PARVA: variants seen among roughly 807,000 people sequenced by gnomAD.
The protein encoded by PARVA is parvin alpha.
Under a neutral mutation model 52.6 loss-of-function variants are expected in PARVA, and 25 were observed. The ratio of observed to expected loss-of-function variants is 0.48; its 90% confidence interval spans 0.35 to 0.66. The LOEUF is 0.66. PARVA is among the 30% of genes least tolerant of loss of function. PARVA has a pLI of 0.01. For synonymous variants in PARVA, 185 were observed against 179.1 expected, an observed-to-expected ratio of 1.03 and a Z score of -0.26; for missense variants, 373 against 450.9, an observed-to-expected ratio of 0.83 and a Z score of 1.56.
intron 4 of PARVA, among the ~76,000 whole-genome samples, chr11:12,484,779 G>T (rs972931496): frequency 6.6e-6 from 1 of 151,414 alleles, no homozygotes; most frequent in Non-Finnish European, 1.5e-5. Context: ...CAGGAAAGAG[G>T]GGGTATTTTG....
intron 1 of PARVA, among the ~76,000 whole-genome samples, chr11:12,422,531 T>C (rs1298618053): frequency 1.3e-5 from 2 of 152,198 alleles, no homozygotes; most frequent in Admixed American, 1.3e-4. Context: ...TGTGTTCAAG[T>C]AGGTAAACAG....
chr11:12,508,548 T>G lies in PARVA; in HGVS notation c.658-36T>G, dbSNP rs775320508. ...TATTTTTCTAAAGCATAGTTTTCTCTTCTCCTCCCAACCCCTTTCCCCACC... is the reference window on the plus strand; with the variant it reads ...TATTTTTCTAAAGCATAGTTTTCTCGTCTCCTCCCAACCCCTTTCCCCACC... On this transcript the variant is annotated intron_variant, in intron 6 of 12. Transcript: ENST00000334956. 21 of 1,485,800 alleles carry G rather than the reference T, an allele frequency of 1.4e-5. No individual in the cohort carries two copies. The Admixed American group carries it at 3.4e-4, about 24-fold the overall frequency. 92.0% of individuals were successfully genotyped at this position (1,485,800 alleles called of 1,614,324 possible).
At chr11:12,432,845 G>C (rs752042149) in intron 1 of PARVA, among the ~76,000 whole-genome samples, 5 of 152,142 alleles carry the variant, frequency 3.3e-5, no homozygotes, top group Non-Finnish European at 5.9e-5. Flanking sequence ...CATGACCTCT[G>C]AAAATCCATT....
At chr11:12,456,548 T>C (rs1380703868) in intron 1 of PARVA, among the ~76,000 whole-genome samples, 2 of 152,032 alleles carry the variant, frequency 1.3e-5, no homozygotes, top group Non-Finnish European at 2.9e-5. Flanking sequence ...AGGATTAAAC[T>C]CATACTTGGT....
intron 4 of PARVA, among the ~76,000 whole-genome samples, chr11:12,482,047 T>A (rs1357990156): frequency 2.6e-5 from 4 of 151,582 alleles, no homozygotes; most frequent in Admixed American, 6.6e-5. Flanking sequence ...TGCATGCTAC[T>A]TGCGAGGCTA....
intron 1 of PARVA, among the ~76,000 whole-genome samples, chr11:12,382,408 G>A (rs1482326846): frequency 1.3e-5 from 2 of 148,604 alleles, no homozygotes; most frequent in Non-Finnish European, 3.0e-5. Context: ...ATATTTCTAG[G>A]CTACATGGTT....
chr11:12,399,104 C>T (rs1384183884), intron 1 of PARVA, among the ~76,000 whole-genome samples: 1 of 152,180 alleles, frequency 6.6e-6, no homozygotes, highest in African/African-American at 2.4e-5. Flanking sequence ...ATTGTCGGTT[C>T]CAAAATCTAT....
At chr11:12,383,538 A>AGT (rs1240108706) in intron 1 of PARVA, among the ~76,000 whole-genome samples, 1 of 152,230 alleles carries the variant, frequency 6.6e-6, no homozygotes, top group African/African-American at 2.4e-5. Flanking sequence ...TTGGCTGCCC[A>AGT]GTGTTGCTGG....
At chr11:12,481,642 C>A (rs1169722366) in intron 4 of PARVA, among the ~76,000 whole-genome samples, 1 of 152,114 alleles carries the variant, frequency 6.6e-6, no homozygotes, top group Non-Finnish European at 1.5e-5. Context: ...AACATCTGTA[C>A]CTAGGTACAG....
At chr11:12,460,982 T>C in intron 1 of PARVA, among the ~76,000 whole-genome samples, 1 of 152,182 alleles carries the variant, frequency 6.6e-6, no homozygotes, top group East Asian at 1.9e-4. Context: ...CAGGACTGTG[T>C]GAGGGCCCTC....
chr11:12,503,647 T>C (rs188404808), intron 5 of PARVA, among the ~76,000 whole-genome samples: 2 of 152,026 alleles, frequency 1.3e-5, no homozygotes, highest in South Asian at 2.1e-4. Context: ...GGCGGGAGGA[T>C]TGCTTGAGCC....
At chr11:12,428,184 G>A (rs906842481) in intron 1 of PARVA, among the ~76,000 whole-genome samples, 16 of 152,188 alleles carry the variant, frequency 1.1e-4, no homozygotes, top group Non-Finnish European at 2.9e-5. Flanking sequence ...GAGAAGTTGG[G>A]CAAATGTGGA....
At chr11:12,393,413 A>C (rs1368318468) in intron 1 of PARVA, among the ~76,000 whole-genome samples, 3 of 151,948 alleles carry the variant, frequency 2.0e-5, no homozygotes, top group Non-Finnish European at 4.4e-5. Context: ...CTGCTGTAAC[A>C]GATAAGCCCC....
chr11:12,457,210 TCAGA>T lies in PARVA; in HGVS notation c.137-16531_137-16528del, dbSNP rs148360242. ...TGTCAGGCATGCAATCAGCAGAACGTCAGACAGGCAGTTAAAGCATCTTCGATTT... is the reference window on the plus strand; with the variant it reads ...TGTCAGGCATGCAATCAGCAGAACGTCAGGCAGTTAAAGCATCTTCGATTT... On this transcript the variant is annotated intron_variant, in intron 1 of 12. Coordinates refer to ENST00000334956, the MANE Select transcript of PARVA (RefSeq NM_018222.5). Among the ~76,000 whole-genome samples, 365 of 152,310 alleles carry T rather than the reference TCAGA, an allele frequency of 2.4e-3. 1 individual carries two copies. Among genetic ancestry groups the T allele is most frequent in the African/African-American group, 8.4e-3 (348 of 41,568 alleles).
chr11:12,379,298 G>A (rs544144205), intron 1 of PARVA, among the ~76,000 whole-genome samples: 74 of 152,134 alleles, frequency 4.9e-4, no homozygotes, highest in African/African-American at 1.7e-3. Context: ...TAACCTTCTG[G>A]GAATGCAGCC....
rs1554904930 is a variant in PARVA at position 12,533,808 on chromosome 11, C to CGGAGGA, written c.*5903_*5908dup. Among the ~76,000 whole-genome samples, 848 of 150,264 alleles carry CGGAGGA rather than the reference C, an allele frequency of 5.6e-3. 4 individuals carry two copies. Among genetic ancestry groups the CGGAGGA allele is most frequent in the African/African-American group, 0.011 (430 of 40,688 alleles). On this transcript the variant is annotated 3_prime_UTR_variant, in exon 13 of 13. Transcript: ENST00000334956. ...CCTCATGGTCATCACATTGAGTAGG[C>CGGAGGA]GGAGGAGGAGGAGGAGGAGGAGGAG...
intron 1 of PARVA, among the ~76,000 whole-genome samples, chr11:12,391,736 AAC>A (rs1939662500): frequency 6.6e-6 from 1 of 152,212 alleles, no homozygotes; most frequent in South Asian, 2.1e-4. Context: ...ACCGGATTTT[AAC>A]ACACAGCATG....
At chr11:12,398,047 C>G (rs1412529389) in intron 1 of PARVA, among the ~76,000 whole-genome samples, 1 of 152,130 alleles carries the variant, frequency 6.6e-6, no homozygotes, top group Non-Finnish European at 1.5e-5. Flanking sequence ...CAGTGTCCTT[C>G]CCTCTGCTTC....
At chr11:12,525,170 C>T (rs1414705284) in intron 12 of PARVA, among the ~76,000 whole-genome samples, 12 of 152,180 alleles carry the variant, frequency 7.9e-5, no homozygotes, top group Non-Finnish European at 2.9e-5. Context: ...CAGGTCGGGT[C>T]AGGTTACGCC....
Sources: allele counts gnomAD v4.1 joint callset (sites outside exome capture counted in the v4.1 genomes callset), GRCh38; gene constraint gnomAD v4.1.1; transcripts MANE v1.5; gene names NCBI Gene and HGNC (gene_info 2026-07-23, HGNC 2026-07-21).